The following PHACTR4 variants were observed in gnomAD, a reference collection of about 807,000 sequenced individuals.
PHACTR4 encodes the protein phosphatase and actin regulator 4.
PHACTR4 carries 51 observed loss-of-function variants against 72.7 expected under a neutral mutation model. The observed-to-expected ratio is 0.70, with a 90% confidence interval of 0.56 to 0.89. The LOEUF is 0.89. Among genes scored for constraint, PHACTR4 ranks in the 40% least tolerant of loss-of-function variants. The probability of loss-of-function intolerance (pLI) is 0.00; values close to 1 mark genes in which losing one functional copy is unlikely to be tolerated. For synonymous variants in PHACTR4, 255 were observed against 302.5 expected, an observed-to-expected ratio of 0.84 and a Z score of 1.63; for missense variants, 731 against 861.8, an observed-to-expected ratio of 0.85 and a Z score of 1.90.
chr1:28,409,951 ATTTTTTTTTTTTTTTT>A (rs57186471), intron 2 of PHACTR4, among the ~76,000 whole-genome samples: 6 of 66,340 alleles, frequency 9.0e-5, no homozygotes, highest in South Asian at 6.9e-4. Flanking sequence ...TTCTTCATAA[ATTTTTTTTTTTTTTTT>A]TTTTTTTTTT....
intron 1 of PHACTR4, among the ~76,000 whole-genome samples, chr1:28,386,993 T>C (rs376824915): frequency 6.6e-6 from 1 of 152,094 alleles, no homozygotes; most frequent in Non-Finnish European, 1.5e-5. Flanking sequence ...CTGGGCGAGA[T>C]GGCTCACGCC....
At chr1:28,413,471 G>A (rs2124309396) in intron 2 of PHACTR4, among the ~76,000 whole-genome samples, 1 of 152,232 alleles carries the variant, frequency 6.6e-6, no homozygotes, top group Middle Eastern at 3.4e-3. Flanking sequence ...AAACCCTCAT[G>A]TCTTCCTCTG....
At chr1:28,433,031 C>T in intron 2 of PHACTR4, 3 of 984,322 alleles carry the variant, frequency 3.0e-6, no homozygotes, top group Non-Finnish European at 3.6e-6. Flanking sequence ...GCGTGAGCCA[C>T]TGCACCTGAC....
chr1:28,442,377 T>A (rs1657101995), intron 2 of PHACTR4, among the ~76,000 whole-genome samples: 1 of 150,522 alleles, frequency 6.6e-6, no homozygotes, highest in African/African-American at 2.5e-5. Context: ...GACAGGAGAA[T>A]CGCTTGAAAC....
At chr1:28,417,200 T>C (rs2124324032) in intron 2 of PHACTR4, among the ~76,000 whole-genome samples, 1 of 152,268 alleles carries the variant, frequency 6.6e-6, no homozygotes, top group South Asian at 2.1e-4. Context: ...TTAATTCATG[T>C]TGATGAAGCA....
At chr1:28,398,226 A>G (rs1653670318) in intron 1 of PHACTR4, among the ~76,000 whole-genome samples, 1 of 152,120 alleles carries the variant, frequency 6.6e-6, no homozygotes, top group Non-Finnish European at 1.5e-5. Context: ...GCAGCATTAA[A>G]TATCTGTTGG....
chr1:28,470,819 C>T (rs907263007), intron 6 of PHACTR4, among the ~76,000 whole-genome samples: 3 of 151,752 alleles, frequency 2.0e-5, no homozygotes, highest in African/African-American at 7.3e-5. Context: ...AGCCCAGGAC[C>T]TCAAGACCAG....
intron 2 of PHACTR4, among the ~76,000 whole-genome samples, chr1:28,449,318 T>A (rs1419648716): frequency 6.6e-6 from 1 of 152,090 alleles, no homozygotes; most frequent in African/African-American, 2.4e-5. Flanking sequence ...CTGGGTAACA[T>A]ACCCCATATC....
Position 28,493,004 on chromosome 1 carries a change from C to G in PHACTR4, c.2017-11C>G, listed in dbSNP as rs538189980. 8 of 1,605,850 alleles carry G rather than the reference C, an allele frequency of 5.0e-6. No individual in the cohort carries two copies. The highest frequency in any genetic ancestry group is 1.1e-5 in the South Asian group (1 of 90,900). ...AGAAGAAGCTGAAACATTTTTGTCTCTACTCCACAGGCTGCCATAAGAAAA... is the reference window on the plus strand; with the variant it reads ...AGAAGAAGCTGAAACATTTTTGTCTGTACTCCACAGGCTGCCATAAGAAAA... On this transcript the variant is annotated splice_polypyrimidine_tract_variant and intron_variant, in intron 12 of 13. Coordinates refer to ENST00000373839, the MANE Select transcript of PHACTR4 (RefSeq NM_001048183.3).
chr1:28,480,687 T>C, intron 9 of PHACTR4, 83 bp downstream of exon 9: 2 of 1,554,608 alleles, frequency 1.3e-6, no homozygotes, highest in Non-Finnish European at 1.8e-6. Context: ...TGTTTTTTTG[T>C]GTGTGTTTTG....
intron 2 of PHACTR4, among the ~76,000 whole-genome samples, chr1:28,430,027 TC>T (rs1189945564): frequency 1.3e-5 from 2 of 151,914 alleles, no homozygotes; most frequent in Admixed American, 6.6e-5. Context: ...TCTTTCAGGT[TC>T]TTTTTTTTTT....
intron 1 of PHACTR4, among the ~76,000 whole-genome samples, chr1:28,402,326 G>T (rs1654003998): frequency 6.6e-6 from 1 of 152,176 alleles, no homozygotes; most frequent in African/African-American, 2.4e-5. Context: ...GTAAGTTTAT[G>T]AAACTTCCTA....
At chr1:28,394,665 C>T (rs1479132859) in intron 1 of PHACTR4, among the ~76,000 whole-genome samples, 2 of 150,806 alleles carry the variant, frequency 1.3e-5, no homozygotes, top group Non-Finnish European at 2.9e-5. Flanking sequence ...GGCACGATCT[C>T]GGCTCACCAC....
intron 13 of PHACTR4, among the ~76,000 whole-genome samples, chr1:28,494,608 C>T (rs180743214): frequency 1.3e-5 from 2 of 152,278 alleles, no homozygotes; most frequent in South Asian, 2.1e-4. Context: ...GCCGAGATCG[C>T]GCAACTGCGC....
chr1:28,378,281 C>T (rs1369965449), intron 1 of PHACTR4, among the ~76,000 whole-genome samples: 2 of 145,560 alleles, frequency 1.4e-5, no homozygotes, highest in Non-Finnish European at 3.0e-5. Flanking sequence ...GCGGGTGGAT[C>T]ACCTGAGGTC....
Position 28,395,034 on chromosome 1 carries a change from C to G in PHACTR4, c.-38-12376C>G, listed in dbSNP as rs142970695. The stretch of plus-strand genomic sequence containing the variant: ...GTTCAAGCGATTCTCCTGCCTCAGT[C>G]TCCTGAGTAGCTGGGATTACAGGCG... On this transcript the variant is annotated intron_variant, in intron 1 of 13. Coordinates refer to ENST00000373839, the MANE Select transcript of PHACTR4 (RefSeq NM_001048183.3). Among the ~76,000 whole-genome samples, 704 of 151,716 alleles carry G rather than the reference C, an allele frequency of 4.6e-3. 3 individuals carry two copies. Among genetic ancestry groups the G allele is most frequent in the Non-Finnish European group, 7.8e-3 (531 of 67,964 alleles).
At chr1:28,394,268 GAA>G (rs964433361) in intron 1 of PHACTR4, among the ~76,000 whole-genome samples, 10 of 143,232 alleles carry the variant, frequency 7.0e-5, no homozygotes, top group African/African-American at 2.1e-4. Flanking sequence ...AAAAAAAAAA[GAA>G]AGAGGGACGG....
At chr1:28,478,224 C>A (rs540511535) in intron 8 of PHACTR4, among the ~76,000 whole-genome samples, 10 of 152,290 alleles carry the variant, frequency 6.6e-5, no homozygotes, top group African/African-American at 2.2e-4. Context: ...TTGCACATAA[C>A]AGGATTTCTT....
intron 6 of PHACTR4, among the ~76,000 whole-genome samples, chr1:28,472,754 C>A (rs1022784665): frequency 2.0e-5 from 3 of 151,378 alleles, no homozygotes; most frequent in Admixed American, 2.0e-4. Context: ...TAGGTGCCCA[C>A]CACCACACCT....
Sources: allele counts gnomAD v4.1 joint callset (sites outside exome capture counted in the v4.1 genomes callset), GRCh38; gene constraint gnomAD v4.1.1; transcripts MANE v1.5; gene names NCBI Gene and HGNC (gene_info 2026-07-23, HGNC 2026-07-21).